The following CFAP57 variants were observed in gnomAD, a reference collection of about 807,000 sequenced individuals.
CFAP57 encodes cilia- and flagella-associated protein 57.
Under a neutral mutation model 146.8 loss-of-function variants are expected in CFAP57, and 116 were observed. The ratio of observed to expected loss-of-function variants is 0.79; its 90% CI spans 0.68 to 0.92. CFAP57 has a LOEUF of 0.92. CFAP57 is among the 40% of genes least tolerant of loss of function. The pLI, the probability that CFAP57 is intolerant of heterozygous loss-of-function variation, is 0.00. For synonymous variants in CFAP57, 518 were observed against 552.8 expected, an observed-to-expected ratio of 0.94 and a Z score of 0.88; for missense variants, 1,377 against 1,527.2, an observed-to-expected ratio of 0.90 and a Z score of 1.64.
chr1:43,230,893 C>CGA (rs1553185201), intron 18 of CFAP57, among the ~76,000 whole-genome samples: 1 of 152,190 alleles, frequency 6.6e-6, no homozygotes, highest in Non-Finnish European at 1.5e-5. Context: ...CCTTAGATCT[C>CGA]TAAGTCTACA....
In CFAP57 at chr1:43,238,117, A is replaced by G. The variant is rs142797241; in HGVS notation, c.3405+3479A>G. The stretch of plus-strand genomic sequence containing the variant: ...ACGGAGAAGGATTCCAGGATGGCTC[A>G]TTTGTGCAGTTAGGCAGATGGTGAG... On this transcript the variant is annotated intron_variant, in intron 21 of 22. Coordinates refer to ENST00000372492, the MANE Select transcript of CFAP57 (RefSeq NM_001378189.1). This position sits in a 1 kb window ranked among gnomAD's most constrained non-coding sequence, Gnocchi z 4.3. 1.3e-5 allele frequency among the ~76,000 whole-genome samples: 2 copies of G among 152,354 alleles called. No homozygotes were observed. Among genetic ancestry groups the G allele is most frequent in the African/African-American group, 4.8e-5 (2 of 41,580 alleles).
In CFAP57 at chr1:43,219,547, A is replaced by G; in HGVS notation, c.2247+10A>G. The G allele has an allele frequency of 6.4e-7, 1 of 1,550,398 alleles. No homozygotes were observed. Among genetic ancestry groups the G allele is most frequent in the Non-Finnish European group, 8.7e-7 (1 of 1,146,922 alleles). ...GAAAACAAAAAACCAGGTCTGTTTAAGAGACTGACCAACAAGCACAAATAA... is the reference window on the plus strand; with the variant it reads ...GAAAACAAAAAACCAGGTCTGTTTAGGAGACTGACCAACAAGCACAAATAA... On this transcript the variant is annotated intron_variant, in intron 13 of 22. Transcript: ENST00000372492.
At chr1:43,247,077 T>C (rs1202713995) in intron 22 of CFAP57, among the ~76,000 whole-genome samples, 3 of 152,190 alleles carry the variant, frequency 2.0e-5, no homozygotes, top group Non-Finnish European at 4.4e-5. Flanking sequence ...CTCAAACAGT[T>C]CCACTTTCAT....
In CFAP57 at chr1:43,199,443, T is replaced by G. The variant is rs368071031; in HGVS notation, c.1482T>G (p.Ile494Met). ...TTGCTGCAGTCAATGGAAATGTGAT[T>G]CACGTTTACACCACCACGAGCCTAG... is the stretch of plus-strand genomic sequence containing the variant. The part of the protein sequence containing the change: ...HLFAAVNGNV[I>M]HVYTTTSLEN... The change falls in exon 9 of 23, where the codon ATT (isoleucine) becomes ATG (methionine). Residue 494 changes from isoleucine to methionine, a missense_variant. By Grantham distance (10) the Ile-to-Met change is conservative. Transcript: ENST00000372492. The G allele has an allele frequency of 5.6e-6, 9 of 1,614,012 alleles. No homozygotes were observed. In the African/African-American group the frequency reaches 1.2e-4, roughly 22 times the overall value.
intron 11 of CFAP57, chr1:43,210,361 C>T: frequency 7.6e-7 from 1 of 1,320,896 alleles, no homozygotes; most frequent in Non-Finnish European, 9.7e-7. Context: ...GTAAATTGTC[C>T]TTCCATTCAC....
Position 43,234,572 on chromosome 1 carries a change from C to T in CFAP57, c.3339C>T (p.Ala1113=), listed in dbSNP as rs1231226412. 3 of 1,550,362 alleles carry T rather than the reference C, an allele frequency of 1.9e-6. No homozygotes were observed. The highest frequency in any genetic ancestry group is 2.6e-6 in the Non-Finnish European group (3 of 1,146,976). The stretch of plus-strand genomic sequence containing the variant: ...GGGAGCACCTGGAGAGGAACCTGGC[C>T]ACTCTCAAGAAGAAGGTGGTCAAGG... ...RQREHLERNL[A]TLKKKVVKEG... is the part of the protein sequence containing the mutation. The change falls in exon 21 of 23, where the codon GCC becomes GCT. Residue 1113 remains alanine, a synonymous_variant. Coordinates refer to ENST00000372492, the MANE Select transcript of CFAP57 (RefSeq NM_001378189.1).
intron 21 of CFAP57, among the ~76,000 whole-genome samples, chr1:43,239,063 C>T (rs1179611438): frequency 2.0e-5 from 3 of 152,048 alleles, no homozygotes; most frequent in Non-Finnish European, 4.4e-5. Flanking sequence ...TCTCCTCTGT[C>T]TCCCCTGGGG....
At chr1:43,189,110 C>G (rs976013483) in intron 6 of CFAP57, among the ~76,000 whole-genome samples, 1 of 152,202 alleles carries the variant, frequency 6.6e-6, no homozygotes, top group African/African-American at 2.4e-5. Context: ...ATCTGTCTAT[C>G]TTTATGCCAG....
chr1:43,200,017 A>T (rs1644047853), intron 9 of CFAP57, among the ~76,000 whole-genome samples: 1 of 152,122 alleles, frequency 6.6e-6, no homozygotes, highest in African/African-American at 2.4e-5. Context: ...GAAATCATGG[A>T]AGACTTTCAG....
chr1:43,234,222 C>A, intron 19 of CFAP57, 57 bp from the exon 20 acceptor site: 1 of 1,459,642 alleles, frequency 6.9e-7, no homozygotes, highest in Non-Finnish European at 9.1e-7. Context: ...GCCTGCAGCC[C>A]CCGCCCCTCC....
chr1:43,177,125 A>T (rs1557721970), intron 2 of CFAP57: 1 of 456,302 alleles, frequency 2.2e-6, no homozygotes, highest in Non-Finnish European at 4.4e-6. Flanking sequence ...CCTCAGGTTC[A>T]TTCTGGCTGC....
chr1:43,207,020 T>C (rs1644388040), intron 10 of CFAP57, 88 bp downstream of exon 10: 5 of 1,347,490 alleles, frequency 3.7e-6, no homozygotes, highest in South Asian at 3.5e-5. Context: ...ATGCACGGAA[T>C]GAGGGCCTCT....
Position 43,197,690 on chromosome 1 carries a change from A to T in CFAP57, c.1260A>T (p.Thr420=). Reference sequence around the variant, plus strand: ...CCATCCGCCTTTGGAATTATGAAACAAAGTAAGGAATGAAAGGCTTGCCTA... The same window carrying T: ...CCATCCGCCTTTGGAATTATGAAACTAAGTAAGGAATGAAAGGCTTGCCTA... ...DRSIRLWNYE[T]NTLELFKEYQ... The change falls in exon 7 of 23, where the codon ACA becomes ACT. Residue 420 remains threonine, a splice_region_variant and synonymous_variant. Coordinates refer to ENST00000372492, the MANE Select transcript of CFAP57 (RefSeq NM_001378189.1). 1 of 1,614,166 alleles carries T rather than the reference A, an allele frequency of 6.2e-7. No homozygotes were observed. Among genetic ancestry groups the T allele is most frequent in the Middle Eastern group, 1.6e-4 (1 of 6,062 alleles).
rs148341430 is a variant in CFAP57 at position 43,209,868 on chromosome 1, G to A, written c.1881G>A (p.Leu627=). Residue 627 remains leucine (L), a synonymous_variant, in exon 11 of 23, where the codon CTG becomes CTA. Transcript: ENST00000372492. ...GTGCCATGAAGTACCCTCTGCCTCT[G>A]CAGAAGGAATTCAATGAGTACCAGG... ...TIRAMKYPLP[L]QKEFNEYQAH... is the part of the protein sequence containing the mutation. 2.7e-4 allele frequency: 436 copies of A among 1,614,230 alleles called. 1 individual carries two copies. Among genetic ancestry groups the A allele is most frequent in the Middle Eastern group, 1.5e-3 (9 of 6,062 alleles).
chr1:43,232,450 A>G, intron 18 of CFAP57, 58 bp from the exon 19 acceptor site: 2 of 1,441,026 alleles, frequency 1.4e-6, no homozygotes, highest in South Asian at 2.5e-5. Flanking sequence ...CAGTTCTCAA[A>G]TACAGTTTTC....
In CFAP57 at chr1:43,244,772, G is replaced by A. The variant is rs190132654; in HGVS notation, c.3538+1413G>A. ...ACAAAAATTAGCTGGGCGTGGTGGCGCGGGCCTGTAGTCCCAGCTACTCGG... is the reference window on the plus strand; with the variant it reads ...ACAAAAATTAGCTGGGCGTGGTGGCACGGGCCTGTAGTCCCAGCTACTCGG... On this transcript the variant is annotated intron_variant, in intron 22 of 22. Transcript: ENST00000372492. Among the ~76,000 whole-genome samples the A allele has an allele frequency of 2.6e-3, 398 of 152,078 alleles. 4 individuals carry two copies. In the South Asian group the frequency reaches 0.033, roughly 12 times the overall value.
chr1:43,223,453 G>A (rs2124566668), intron 16 of CFAP57, among the ~76,000 whole-genome samples: 2 of 152,264 alleles, frequency 1.3e-5, no homozygotes, highest in Middle Eastern at 3.4e-3. Flanking sequence ...AGAGGGAATG[G>A]GGGTGTAGGA....
In CFAP57 at chr1:43,254,201, G is replaced by A. The variant is rs910059802; in HGVS notation, c.*10G>A. 1.9e-6 allele frequency: 3 copies of A among 1,541,372 alleles called. No homozygotes were observed. The highest frequency in any genetic ancestry group is 2.6e-6 in the Non-Finnish European group (3 of 1,141,824). ...GGTGAAGACCAACTGACCCCCTCTG[G>A]TGAGCCATCTCCAGCCACAGCCAGA... On this transcript the variant is annotated 3_prime_UTR_variant, in exon 23 of 23. Transcript: ENST00000372492.
chr1:43,243,309 C>T lies in CFAP57; in HGVS notation c.3488C>T (p.Ala1163Val), dbSNP rs552593547. ...CGGTCCCAAGTCTATGACCTTGAAG[C>T]AGCTCTGAAACTGACCAAGAAAGTC... ...FTRSQVYDLE[A>V]ALKLTKKVRP... The change falls in exon 22 of 23, where the codon GCA (alanine) becomes GTA (valine). Residue 1163 changes from alanine (A) to valine (V), a missense_variant. Transcript: ENST00000372492. 32 of 1,545,412 alleles carry T rather than the reference C, an allele frequency of 2.1e-5. No homozygotes were observed. The African/African-American group carries it at 4.2e-4, about 21-fold the overall frequency.
Sources: allele counts gnomAD v4.1 joint callset (sites outside exome capture counted in the v4.1 genomes callset), GRCh38; gene constraint gnomAD v4.1.1; non-coding constraint Gnocchi (gnomAD v3.1); transcripts MANE v1.5; gene names NCBI Gene and HGNC (gene_info 2026-07-23, HGNC 2026-07-21).